GSDMD: variants seen among roughly 807,000 people sequenced by gnomAD.
The protein encoded by GSDMD is gasdermin D.
GSDMD carries 46 observed loss-of-function variants against 46.7 expected under a neutral mutation model. The ratio of observed to expected loss-of-function variants is 0.99; its 90% CI spans 0.78 to 1.26. The LOEUF is 1.26. Among genes scored for constraint, GSDMD ranks in the 50% most tolerant of loss-of-function variants. The pLI is 0.00. For synonymous variants in GSDMD, 307 were observed against 283.1 expected, an observed-to-expected ratio of 1.08 and a Z score of -0.85; for missense variants, 649 against 638.8, an observed-to-expected ratio of 1.02 and a Z score of -0.17.
upstream of GSDMD, among the ~76,000 whole-genome samples, chr8:143,557,379 C>CGAAGGATGCTGCCGCTGTGAT (rs1563902773): frequency 3.8e-5 from 4 of 106,244 alleles, no homozygotes; most frequent in South Asian, 3.5e-4. Flanking sequence ...GCCGCTATGG[C>CGAAGGATGCTGCCGCTGTGAT]GAAGGATGAT....
upstream of GSDMD, chr8:143,557,744 C>T (rs1449806241): frequency 3.4e-6 from 1 of 291,758 alleles, no homozygotes; most frequent in Admixed American, 5.0e-5. Flanking sequence ...CCATCTTTGT[C>T]AGTGTGCAGT....
At chr8:143,554,712 C>G (rs553634926), upstream of GSDMD, among the ~76,000 whole-genome samples, 1 of 150,868 alleles carries the variant, frequency 6.6e-6, no homozygotes, top group East Asian at 2.0e-4. Flanking sequence ...CGCATACAAA[C>G]AGGCACACAA....
At position 143,562,574 on chromosome 8, in the gene GSDMD, G is replaced by A. The variant is rs1823493273; in HGVS notation, c.1212+53G>A. 18 of 1,597,598 alleles carry A rather than the reference G, an allele frequency of 1.1e-5. No individual in the cohort carries two copies. The South Asian group carries it at 1.3e-4, about 12-fold the overall frequency. ...AGGATGGGCTGAGCCAGTGGAAGGG[G>A]CCCTGTGGCACCTGGGAAGGGGTGG... On this transcript the variant is annotated intron_variant, in intron 10 of 10. Coordinates refer to ENST00000262580, the MANE Select transcript of GSDMD (RefSeq NM_024736.7).
intron 5 of GSDMD, 79 bp from the exon 6 acceptor site, chr8:143,561,291 A>G (rs1823454190): frequency 7.2e-7 from 1 of 1,383,048 alleles, no homozygotes; most frequent in Admixed American, 2.0e-5. Flanking sequence ...TGGACAGGGG[A>G]GCTCCTAGTA....
At chr8:143,562,421 AC>A in intron 9 of GSDMD, 26 bp from the exon 10 acceptor site, 1 of 1,593,568 alleles carries the variant, frequency 6.3e-7, no homozygotes. Flanking sequence ...GCGTTCAGAA[AC>A]CCCCTTTTAC....
rs1823448745 is a variant in GSDMD at position 143,561,085 on chromosome 8, G to A, written c.663G>A (p.Leu221=). The change falls in exon 5 of 11, where the codon CTG becomes CTA. Residue 221 remains leucine, a synonymous_variant. Coordinates refer to ENST00000262580, the MANE Select transcript of GSDMD (RefSeq NM_024736.7). ...CCCTCGCATTCCGGGTGGCCCAGCT[G>A]GTTATTGACTCTGACTTGGGTGAGC... The part of the protein sequence containing the change: ...GSTLAFRVAQ[L]VIDSDLDVLL... The A allele has an allele frequency of 6.2e-7, 1 of 1,613,164 alleles. No homozygotes were observed. Among genetic ancestry groups the A allele is most frequent in the Non-Finnish European group, 8.5e-7 (1 of 1,179,898 alleles).
At position 143,562,661 on chromosome 8, in the gene GSDMD, G is replaced by A. The variant is rs1451617481; in HGVS notation, c.1213-1G>A. 4.4e-6 allele frequency: 7 copies of A among 1,606,714 alleles called. No individual in the cohort carries two copies. Among genetic ancestry groups the A allele is most frequent in the Non-Finnish European group, 5.1e-6 (6 of 1,177,816 alleles). ...GACTCACTCCTGCCCTGTCTTGGCA[G>A]GTGGGCAGCCTCTTGGAGCAGAGTG... On this transcript the variant is annotated splice_acceptor_variant, in intron 10 of 10. Transcript: ENST00000262580. LOFTEE classifies it high-confidence loss of function.
At chr8:143,560,923 TGCCCCCG>T (rs1563906339) in intron 4 of GSDMD, 72 bp from the exon 5 acceptor site, 2 of 1,456,558 alleles carry the variant, frequency 1.4e-6, no homozygotes, top group Non-Finnish European at 1.9e-6. Flanking sequence ...GCGGCGGGCC[TGCCCCCG>T]GCACCCGGCC....
chr8:143,562,328 C>G lies in GSDMD; in HGVS notation c.1116C>G (p.Val372=). The G allele has an allele frequency of 1.9e-6, 3 of 1,548,956 alleles. No individual in the cohort carries two copies. Among genetic ancestry groups the G allele is most frequent in the Non-Finnish European group, 2.6e-6 (3 of 1,147,894 alleles). The change falls in exon 9 of 11, where the codon GTC becomes GTG. Residue 372 remains valine (V), a synonymous_variant. Transcript: ENST00000262580. ...MLVPELAIPV[V]YLLGALTMLS... ...TGCCGGAACTCGCTATCCCTGTTGT[C>G]TACCTGCTGGGGGCACTGACCAGTG...
chr8:143,554,996 A>G (rs750997596), upstream of GSDMD: 3 of 152,398 alleles, frequency 2.0e-5, no homozygotes, highest in Non-Finnish European at 2.9e-5. Flanking sequence ...TGGGGTACAC[A>G]GCAGTTCTGG....
chr8:143,559,900 C>T lies in GSDMD; in HGVS notation c.341C>T (p.Ser114Phe). The change falls in exon 3 of 11, where the codon TCC becomes TTC. Residue 114 changes from serine (S) to phenylalanine (F), a missense_variant. Ser to Phe is a radical substitution (Grantham distance 155). Coordinates refer to ENST00000262580, the MANE Select transcript of GSDMD (RefSeq NM_024736.7). ...IAGGAAVSDS[S>F]STSMNVYSLS... ...GGCGGGGCCGCGGTGTCTGACAGCT[C>T]CAGCACCTCAATGAATGTGTACTCG... 1 of 1,612,806 alleles carries T rather than the reference C, an allele frequency of 6.2e-7. No homozygotes were observed. Among genetic ancestry groups the T allele is most frequent in the Non-Finnish European group, 8.5e-7 (1 of 1,179,978 alleles).
chr8:143,559,608 C>T (rs1238714429), intron 2 of GSDMD, 56 bp downstream of exon 2: 21 of 1,530,976 alleles, frequency 1.4e-5, no homozygotes, highest in East Asian at 1.1e-4. Context: ...GAGAGGGGAG[C>T]GGGCTGGGGC....
rs1432152282 is a variant in GSDMD at position 143,562,940 on chromosome 8, G to A, written c.*36G>A. ...GGCATGGCCTGGCAGCTCTCCAGCA[G>A]GGCAGAGTGTTTGCCCACCAGCTGC... On this transcript the variant is annotated 3_prime_UTR_variant, in exon 11 of 11. Transcript: ENST00000262580. 1 of 1,609,714 alleles carries A rather than the reference G, an allele frequency of 6.2e-7. No individual in the cohort carries two copies. The highest frequency in any genetic ancestry group is 8.5e-7 in the Non-Finnish European group (1 of 1,179,614).
chr8:143,560,700 G>A lies in GSDMD; in HGVS notation c.508G>A (p.Val170Met), dbSNP rs373975546. The A allele has an allele frequency of 1.3e-6, 2 of 1,583,618 alleles. No homozygotes were observed. The highest frequency in any genetic ancestry group is 2.7e-5 in the African/African-American group (2 of 74,438). ...VTEVLQTQKE[V>M]EVTRTHKREG... ...TGAGGTGCTGCAGACACAGAAGGAGGTGGAAGTCACGCGCACCCACAAGCG... is the reference window on the plus strand; with the variant it reads ...TGAGGTGCTGCAGACACAGAAGGAGATGGAAGTCACGCGCACCCACAAGCG... Residue 170 changes from valine to methionine, a missense_variant, in exon 4 of 11, where the codon GTG (valine) becomes ATG (methionine). Val to Met is a conservative substitution (Grantham distance 21, BLOSUM62 1). Coordinates refer to ENST00000262580, the MANE Select transcript of GSDMD (RefSeq NM_024736.7).
At chr8:143,561,342 T>C in intron 5 of GSDMD, 28 bp from the exon 6 acceptor site, 1 of 1,588,004 alleles carries the variant, frequency 6.3e-7, no homozygotes, top group Non-Finnish European at 8.6e-7. Flanking sequence ...GACATGCCTG[T>C]CCCTGTCTGC....
At chr8:143,560,880 C>G (rs762901097) in intron 4 of GSDMD, 109 bp downstream of exon 4, 2 of 1,433,040 alleles carry the variant, frequency 1.4e-6, no homozygotes, top group South Asian at 2.7e-5. Context: ...CAGCTCCCAG[C>G]CCTGCGCTTG....
chr8:143,557,120 C>CT (rs1203566418), upstream of GSDMD, among the ~76,000 whole-genome samples: 3 of 152,282 alleles, frequency 2.0e-5, no homozygotes, highest in African/African-American at 7.2e-5. Flanking sequence ...TGGCTTTTCA[C>CT]TTAGCATGAT....
upstream of GSDMD, among the ~76,000 whole-genome samples, chr8:143,557,518 C>T (rs923297135): frequency 3.3e-5 from 5 of 152,184 alleles, no homozygotes; most frequent in Admixed American, 1.3e-4. Context: ...AGGATGCTGC[C>T]GTGAACTTTG....
chr8:143,555,796 G>T (rs1235885732), upstream of GSDMD: 1 of 152,410 alleles, frequency 6.6e-6, no homozygotes, highest in Non-Finnish European at 1.5e-5. Flanking sequence ...CAAGCCCAGT[G>T]TAGTGGCTCA....
Sources: allele counts gnomAD v4.1 joint callset (sites outside exome capture counted in the v4.1 genomes callset), GRCh38; gene constraint gnomAD v4.1.1; transcripts MANE v1.5; gene names NCBI Gene and HGNC (gene_info 2026-07-23, HGNC 2026-07-21).